CPVL: variants seen among roughly 807,000 people sequenced by gnomAD.
The protein encoded by CPVL is probable serine carboxypeptidase CPVL.
Under a neutral mutation model 63.7 loss-of-function variants are expected in CPVL, and 51 were observed. The observed-to-expected ratio is 0.80, with a 90% CI of 0.64 to 1.01. The LOEUF is 1.01. Ranked by LOEUF, CPVL falls within the 50% of genes least tolerant of loss-of-function variation. CPVL has a pLI of 0.00. For missense variants in CPVL, 530 were observed against 573.1 expected, an observed-to-expected ratio of 0.92 and a Z score of 0.77; for synonymous variants, 195 against 206.0, an observed-to-expected ratio of 0.95 and a Z score of 0.46.
At chr7:29,074,725 GCTCT>G (rs140532968) in intron 7 of CPVL, among the ~76,000 whole-genome samples, 650 of 146,754 alleles carry the variant, frequency 4.4e-3, no homozygotes, top group Non-Finnish European at 6.7e-3. Context: ...CCCTGCCCAT[GCTCT>G]CTCTCTCTCT....
At chr7:29,102,437 G>A (rs1475556561) in intron 3 of CPVL, among the ~76,000 whole-genome samples, 2 of 152,072 alleles carry the variant, frequency 1.3e-5, no homozygotes, top group Non-Finnish European at 2.9e-5. Context: ...TGGTGGTAGG[G>A]TAACATTTGA....
chr7:29,111,906 T>C (rs117358641), intron 3 of CPVL, among the ~76,000 whole-genome samples: 2 of 152,286 alleles, frequency 1.3e-5, no homozygotes, highest in East Asian at 1.9e-4. Flanking sequence ...CAAATCCAAT[T>C]TGGAGGATGA....
chr7:29,005,146 T>G (rs1785057567), intron 12 of CPVL, among the ~76,000 whole-genome samples: 1 of 152,096 alleles, frequency 6.6e-6, no homozygotes, highest in African/African-American at 2.4e-5. Context: ...GGGATCCTCC[T>G]GCCTCGGCCT....
At chr7:29,125,574 G>C (rs1789925464) in intron 1 of CPVL, among the ~76,000 whole-genome samples, 1 of 151,850 alleles carries the variant, frequency 6.6e-6, no homozygotes, top group Non-Finnish European at 1.5e-5. Flanking sequence ...TGTATTTTTA[G>C]TAGAGGCGGG....
upstream of CPVL, chr7:29,146,875 A>G (rs1584407678): frequency 3.9e-6 from 6 of 1,551,188 alleles, no homozygotes; most frequent in Non-Finnish European, 5.2e-6. Context: ...CAGGATTTAC[A>G]TTTGGAAAGC....
intron 1 of CPVL, among the ~76,000 whole-genome samples, chr7:29,144,340 C>T (rs1792219201): frequency 6.7e-6 from 1 of 148,784 alleles, no homozygotes; most frequent in African/African-American, 2.5e-5. Context: ...GTGGGAGGAT[C>T]ACTTGAGGTC....
intron 11 of CPVL, among the ~76,000 whole-genome samples, chr7:29,045,464 G>A (rs1291064425): frequency 6.6e-6 from 1 of 152,174 alleles, no homozygotes; most frequent in African/African-American, 2.4e-5. Context: ...AAATGTCCTA[G>A]AGTTAGCTTC....
At chr7:29,038,475 G>T (rs1345683690) in intron 11 of CPVL, among the ~76,000 whole-genome samples, 1 of 152,150 alleles carries the variant, frequency 6.6e-6, no homozygotes, top group African/African-American at 2.4e-5. Context: ...TTGTTTTTAA[G>T]CCCTTAGTCT....
intron 12 of CPVL, among the ~76,000 whole-genome samples, chr7:29,026,688 G>A (rs1787524614): frequency 6.6e-6 from 1 of 152,000 alleles, no homozygotes; most frequent in South Asian, 2.1e-4. Flanking sequence ...CAAATACGAA[G>A]GATCATCAGA....
intron 6 of CPVL, 90 bp from the exon 7 acceptor site, chr7:29,086,640 C>A: frequency 1.1e-6 from 1 of 944,098 alleles, no homozygotes; most frequent in Non-Finnish European, 1.7e-6. Context: ...AACTCTTTGG[C>A]AATAGGTTTC....
chr7:29,072,034 C>T, intron 8 of CPVL, 130 bp from the exon 9 acceptor site: 1 of 1,073,352 alleles, frequency 9.3e-7, no homozygotes, highest in Non-Finnish European at 1.4e-6. Flanking sequence ...AGGATAATTA[C>T]ATGCACACAC....
At chr7:29,033,397 C>T (rs1004225407) in intron 11 of CPVL, among the ~76,000 whole-genome samples, 1 of 152,104 alleles carries the variant, frequency 6.6e-6, no homozygotes, top group African/African-American at 2.4e-5. Flanking sequence ...ACGCTGGCTA[C>T]CCACATCCTG....
At position 29,030,622 on chromosome 7, in the gene CPVL, G is replaced by T; in HGVS notation, c.1275C>A (p.Asp425Glu). The part of the protein sequence containing the change: ...EKKVWKIFKS[D>E]SEVAGYIRQA... Reference sequence around the variant, plus strand: ...GCCGGATGTAACCAGCCACTTCACTGTCAGATTTAAAGATCTTCCAAACTT... The same window carrying T: ...GCCGGATGTAACCAGCCACTTCACTTTCAGATTTAAAGATCTTCCAAACTT... The change falls in exon 12 of 13, where the codon GAC becomes GAA. Residue 425 changes from aspartate to glutamate, a missense_variant. Asp to Glu is a conservative substitution (Grantham distance 45). Coordinates refer to ENST00000265394, the MANE Select transcript of CPVL (RefSeq NM_031311.5). 6.2e-7 allele frequency: 1 copy of T among 1,613,740 alleles called. No individual in the cohort carries two copies. Among genetic ancestry groups the T allele is most frequent in the Non-Finnish European group, 8.5e-7 (1 of 1,179,850 alleles).
At chr7:29,010,561 A>C (rs571031777) in intron 12 of CPVL, 6 of 152,290 alleles carry the variant, frequency 3.9e-5, no homozygotes, top group Non-Finnish European at 7.3e-5. Context: ...CCTTTTGACA[A>C]GACAGTCTCT....
chr7:29,102,077 A>C lies in CPVL; in HGVS notation c.289-5860T>G, dbSNP rs1773735028. Among the ~76,000 whole-genome samples the C allele has an allele frequency of 1.3e-5, 2 of 152,202 alleles. 1 individual carries two copies. Among genetic ancestry groups the C allele is most frequent in the South Asian group, 4.1e-4 (2 of 4,832 alleles). On this transcript the variant is annotated intron_variant, in intron 3 of 12. Coordinates refer to ENST00000265394, the MANE Select transcript of CPVL (RefSeq NM_031311.5). ...CCAACTCCTACCCATGAGCAGGCAGAATACTTTATAGTTACGAGCATGGAT... is the reference window on the plus strand; with the variant it reads ...CCAACTCCTACCCATGAGCAGGCAGCATACTTTATAGTTACGAGCATGGAT...
chr7:29,097,657 C>T (rs974759470), intron 3 of CPVL, among the ~76,000 whole-genome samples: 2 of 152,196 alleles, frequency 1.3e-5, no homozygotes, highest in East Asian at 3.8e-4. Flanking sequence ...GATAGCACCA[C>T]TGTACTCAAG....
chr7:29,017,250 C>A (rs1222881778), intron 12 of CPVL, among the ~76,000 whole-genome samples: 1 of 152,202 alleles, frequency 6.6e-6, no homozygotes, highest in Non-Finnish European at 1.5e-5. Context: ...AGCATGCATT[C>A]TTTTAATATC....
At chr7:29,110,845 T>C (rs1470214895) in intron 3 of CPVL, among the ~76,000 whole-genome samples, 2 of 152,164 alleles carry the variant, frequency 1.3e-5, no homozygotes, top group Admixed American at 1.3e-4. Flanking sequence ...AAGACAGAGG[T>C]AGAAGACAAG....
At chr7:28,997,589 G>T (rs1034881205) in intron 12 of CPVL, among the ~76,000 whole-genome samples, 19 of 152,152 alleles carry the variant, frequency 1.2e-4, no homozygotes, top group African/African-American at 4.6e-4. Context: ...GCATTGAGAT[G>T]ACTGAGCTAT....
Sources: allele counts gnomAD v4.1 joint callset (sites outside exome capture counted in the v4.1 genomes callset), GRCh38; gene constraint gnomAD v4.1.1; transcripts MANE v1.5; gene names NCBI Gene and HGNC (gene_info 2026-07-23, HGNC 2026-07-21).